Variants in TPR observed in about 807,000 individuals in gnomAD.
TPR encodes translocated promoter region, nuclear basket protein.
Under a neutral mutation model 316.1 loss-of-function variants are expected in TPR, and 51 were observed. The observed-to-expected ratio is 0.16, with a 90% CI of 0.13 to 0.20. The LOEUF is 0.20. TPR is among the 10% of genes least tolerant of loss of function. The probability of loss-of-function intolerance (pLI) is 1.00; values close to 1 mark genes in which losing one functional copy is unlikely to be tolerated. For missense variants in TPR, 2,272 were observed against 2,754.8 expected, an observed-to-expected ratio of 0.82 and a Z score of 3.92; for synonymous variants, 981 against 914.7, an observed-to-expected ratio of 1.07 and a Z score of -1.31.
At chr1:186,349,665 A>ATAAAT (rs1333011671) in intron 21 of TPR, among the ~76,000 whole-genome samples, 6 of 150,278 alleles carry the variant, frequency 4.0e-5, no homozygotes, top group African/African-American at 1.5e-4. Flanking sequence ...CTCTCAAAAA[A>ATAAAT]AAAAAAAAAA....
intron 17 of TPR, among the ~76,000 whole-genome samples, chr1:186,354,809 CA>C (rs1404777988): frequency 6.6e-6 from 1 of 152,160 alleles, no homozygotes; most frequent in African/African-American, 2.4e-5. Flanking sequence ...TCATCTGGTG[CA>C]TTTTTAAAAG....
At chr1:186,361,751 C>G in intron 8 of TPR, 38 bp downstream of exon 8, 4 of 1,612,876 alleles carry the variant, frequency 2.5e-6, no homozygotes, top group Non-Finnish European at 3.4e-6. Flanking sequence ...GTCAACAATG[C>G]AACATTTAGA....
At chr1:186,340,237 A>T (rs1658471581) in intron 29 of TPR, among the ~76,000 whole-genome samples, 1 of 152,176 alleles carries the variant, frequency 6.6e-6, no homozygotes, top group Non-Finnish European at 1.5e-5. Context: ...GGGAAAACTA[A>T]AGCTCCAAGA....
Position 186,311,712 on chromosome 1 carries a change from T to G in TPR, c.*2259A>C. ...TCTTTAATGGCTGAAATCAAATATTTTCAGTGAAAAAAATCAATATTGAGG... is the reference window on the plus strand; with the variant it reads ...TCTTTAATGGCTGAAATCAAATATTGTCAGTGAAAAAAATCAATATTGAGG... On this transcript the variant is annotated 3_prime_UTR_variant, in exon 51 of 51. Coordinates refer to ENST00000367478, the MANE Select transcript of TPR (RefSeq NM_003292.3). The G allele has an allele frequency of 1.7e-6, 2 of 1,164,788 alleles. No individual in the cohort carries two copies. Among genetic ancestry groups the G allele is most frequent in the South Asian group, 2.7e-5 (2 of 73,296 alleles). 72.2% of individuals were successfully genotyped at this position (1,164,788 alleles called of 1,614,324 possible). A position where few individuals can be genotyped will look rare whatever the true frequency, so the allele number is the denominator to read the frequency against.
At chr1:186,317,800 T>C (rs908381431) in intron 48 of TPR, among the ~76,000 whole-genome samples, 200 bp from the exon 49 acceptor site, 3 of 152,222 alleles carry the variant, frequency 2.0e-5, no homozygotes, top group African/African-American at 7.2e-5. Flanking sequence ...CCTCATTCCT[T>C]TTCTCACTAT....
intron 39 of TPR, among the ~76,000 whole-genome samples, chr1:186,328,253 A>T (rs1188717028): frequency 6.6e-6 from 1 of 152,198 alleles, no homozygotes; most frequent in Non-Finnish European, 1.5e-5. Flanking sequence ...CAAAACTACT[A>T]GCGTGATATC....
At chr1:186,339,451 A>G (rs909686145) in intron 30 of TPR, among the ~76,000 whole-genome samples, 191 bp downstream of exon 30, 1 of 152,186 alleles carries the variant, frequency 6.6e-6, no homozygotes, top group African/African-American at 2.4e-5. Context: ...ATAGTCTCAT[A>G]TATATTTTAT....
chr1:186,375,086 A>G lies in TPR; in HGVS notation c.-58T>C, dbSNP rs1353985953. On this transcript the variant is annotated 5_prime_UTR_variant, in exon 1 of 51. Coordinates refer to ENST00000367478, the MANE Select transcript of TPR (RefSeq NM_003292.3). Reference sequence around the variant, plus strand: ...CCGACGGGGTAGAAGCGGAGAAGAAAGGCGAAGACCAGCAGGACCCAGACG... The same window carrying G: ...CCGACGGGGTAGAAGCGGAGAAGAAGGGCGAAGACCAGCAGGACCCAGACG... The G allele has an allele frequency of 2.5e-6, 4 of 1,608,730 alleles. No individual in the cohort carries two copies. The South Asian group carries it at 4.4e-5, about 18-fold the overall frequency.
intron 50 of TPR, 177 bp downstream of exon 50, chr1:186,314,452 A>G: frequency 2.2e-6 from 1 of 458,092 alleles, no homozygotes; most frequent in Non-Finnish European, 3.9e-6. Flanking sequence ...TCTAAGGTAT[A>G]CAAATCTGTC....
In TPR at chr1:186,323,806, T is replaced by C. The variant is rs1657838840; in HGVS notation, c.6177A>G (p.Pro2059=). 2.6e-6 allele frequency: 4 copies of C among 1,557,252 alleles called. No individual in the cohort carries two copies. Among genetic ancestry groups the C allele is most frequent in the East Asian group, 2.4e-5 (1 of 40,840 alleles). ...GGGCCTGTCTTTCAGATGCTGATGA[T>C]GGCTGTTGTTCTCTAGAAACCTCCT... ...FSQEVSREQQ[P]SSASERQAPR... The change falls in exon 43 of 51, where the codon CCA becomes CCG. Residue 2059 remains proline (P), a synonymous_variant. Transcript: ENST00000367478.
At chr1:186,365,655 C>T (rs1054287006) in intron 4 of TPR, among the ~76,000 whole-genome samples, 1 of 152,174 alleles carries the variant, frequency 6.6e-6, no homozygotes, top group Non-Finnish European at 1.5e-5. Context: ...ACTGAAGAGG[C>T]CATCCCTTCT....
Position 186,325,850 on chromosome 1 carries a change from C to G in TPR, c.6026G>C (p.Gly2009Ala). The G allele has an allele frequency of 3.1e-6, 5 of 1,612,964 alleles. No individual in the cohort carries two copies. The highest frequency in any genetic ancestry group is 4.2e-6 in the Non-Finnish European group (5 of 1,179,596). ...DGYEADDAEG[G>A]DGTDPGTETE... ...TTCTGTACCTGGATCAGTCCCATCA[C>G]CACCCTAAAAACAAAACGTGGTAAC... Residue 2009 changes from glycine to alanine, a missense_variant, in exon 42 of 51, where the codon GGT becomes GCT. Transcript: ENST00000367478.
rs574263753 is a variant in TPR at position 186,360,630 on chromosome 1, A to G, written c.1099+135T>C. On this transcript the variant is annotated intron_variant, in intron 10 of 50. Transcript: ENST00000367478. ...CAGGTAAGAGTATTAATTTTAAAACAAATTCTATTAATATAACTCGATGGA... is the reference window on the plus strand; with the variant it reads ...CAGGTAAGAGTATTAATTTTAAAACGAATTCTATTAATATAACTCGATGGA... The G allele has an allele frequency of 6.6e-6, 8 of 1,220,182 alleles. No individual in the cohort carries two copies. The South Asian group carries it at 1.0e-4, about 16-fold the overall frequency. The allele number at this position is 1,220,182 out of a possible 1,614,324, so 75.6% of individuals were successfully genotyped here.
At chr1:186,365,347 C>T (rs963006724) in intron 4 of TPR, among the ~76,000 whole-genome samples, 2 of 151,892 alleles carry the variant, frequency 1.3e-5, no homozygotes, top group African/African-American at 4.8e-5. Flanking sequence ...CTACCTGCCT[C>T]GGCCTCCCAA....
At chr1:186,356,792 AGG>A (rs1659041597) in intron 14 of TPR, among the ~76,000 whole-genome samples, 1 of 152,180 alleles carries the variant, frequency 6.6e-6, no homozygotes, top group Non-Finnish European at 1.5e-5. Context: ...ATTCTTACAT[AGG>A]TTCTCCAGGT....
In TPR at chr1:186,350,308, A is replaced by G. The variant is rs1290987136; in HGVS notation, c.2691T>C (p.Ala897=). 1.2e-6 allele frequency: 2 copies of G among 1,613,642 alleles called. No individual in the cohort carries two copies. Among genetic ancestry groups the G allele is most frequent in the Non-Finnish European group, 1.7e-6 (2 of 1,179,854 alleles). Reference sequence around the variant, plus strand: ...GTTTCAATGTGGCAATTTCTTTTTGAGCATTTTTTAATAGTTCTTTTGTGT... The same window carrying G: ...GTTTCAATGTGGCAATTTCTTTTTGGGCATTTTTTAATAGTTCTTTTGTGT... ...HLNTKELLKN[A]QKEIATLKQH... Residue 897 remains alanine (A), a synonymous_variant, in exon 21 of 51, where the codon GCT becomes GCC. Transcript: ENST00000367478.
At chr1:186,318,680 AG>A (rs2102049932) in intron 47 of TPR, 52 bp downstream of exon 47, 2 of 1,609,950 alleles carry the variant, frequency 1.2e-6, no homozygotes, top group South Asian at 2.2e-5. Context: ...GATACTTCAT[AG>A]GTTTTCATTT....
intron 33 of TPR, among the ~76,000 whole-genome samples, chr1:186,336,285 G>GA (rs1658338655): frequency 6.6e-6 from 1 of 152,110 alleles, no homozygotes; most frequent in African/African-American, 2.4e-5. Flanking sequence ...CAACAATTGA[G>GA]AAAAATTTCA....
At chr1:186,346,630 T>C (rs1259847500) in intron 22 of TPR, among the ~76,000 whole-genome samples, 1 of 152,186 alleles carries the variant, frequency 6.6e-6, no homozygotes, top group Non-Finnish European at 1.5e-5. Context: ...TTTACAATGA[T>C]GTCAACCACA....
Sources: gnomAD v4.1 joint callset for allele counts (sites outside exome capture counted in the v4.1 genomes callset) on GRCh38, gnomAD v4.1.1 for gene constraint, MANE v1.5 for transcripts, NCBI Gene and HGNC (gene_info 2026-07-23, HGNC 2026-07-21) for gene names.